Variants in LEF1 observed in about 807,000 individuals in gnomAD.
LEF1 encodes lymphoid enhancer binding factor 1, also known as lymphoid enhancer-binding factor 1.
LEF1 carries 14 observed loss-of-function variants against 51.2 expected under a neutral mutation model. The observed-to-expected ratio is 0.27, with a 90% CI of 0.18 to 0.43. The LOEUF (loss-of-function observed/expected upper bound fraction) is 0.43. Among genes scored for constraint, LEF1 ranks in the 20% least tolerant of loss-of-function variants. LEF1 has a pLI of 1.00. For synonymous variants in LEF1, 185 were observed against 183.2 expected (o/e 1.01, Z -0.08); for missense variants, 386 against 512.0 (o/e 0.75, Z 2.37).
At chr4:108,128,646 T>C (rs1036986274) in intron 3 of LEF1, among the ~76,000 whole-genome samples, 7 of 152,204 alleles carry the variant, frequency 4.6e-5, no homozygotes, top group Non-Finnish European at 8.8e-5. Flanking sequence ...TCATTTGAGC[T>C]AGCAAACAAA....
intron 3 of LEF1, among the ~76,000 whole-genome samples, chr4:108,150,672 C>G (rs184393913): frequency 6.6e-6 from 1 of 152,142 alleles, no homozygotes; most frequent in Non-Finnish European, 1.5e-5. Context: ...CTGAAAATAC[C>G]TGACTTTGAA....
At chr4:108,097,902 AAGTG>A (rs1274777703) in intron 3 of LEF1, among the ~76,000 whole-genome samples, 1 of 152,196 alleles carries the variant, frequency 6.6e-6, no homozygotes, top group African/African-American at 2.4e-5. Context: ...AAATCAATTA[AAGTG>A]AGTGAGAAGT....
chr4:108,167,173 G>T lies in LEF1; in HGVS notation c.213+382C>A, dbSNP rs992439395. On this transcript the variant is annotated intron_variant, in intron 1 of 11. Transcript: ENST00000265165. This position sits in a 1 kb window ranked among gnomAD's most constrained non-coding sequence, Gnocchi z 5.7. ...GCACTTTGTTTTCCGTCCCACGGAA[G>T]AATTTATCAGTAGCGTTATTCAGCC... is the stretch of plus-strand genomic sequence containing the variant. Among the ~76,000 whole-genome samples the T allele has an allele frequency of 6.6e-6, 1 of 152,182 alleles. No homozygotes were observed. Among genetic ancestry groups the T allele is most frequent in the Admixed American group, 6.5e-5 (1 of 15,286 alleles).
In LEF1 at chr4:108,166,307, G is replaced by A. The variant is rs189565163; in HGVS notation, c.214-1144C>T. On this transcript the variant is annotated intron_variant, in intron 1 of 11. Transcript: ENST00000265165. ...GGGATAGAGAAGGCAGATCTGAGGT[G>A]TTCTTAAACGCGCTGTTTAAAACCC... 332 of 1,534,614 alleles carry A rather than the reference G, an allele frequency of 2.2e-4. No individual in the cohort carries two copies. In the African/African-American group the frequency reaches 4.0e-3, roughly 18 times the overall value.
chr4:108,160,034 G>A (rs1744970467), intron 3 of LEF1, among the ~76,000 whole-genome samples: 1 of 152,130 alleles, frequency 6.6e-6, no homozygotes, highest in Non-Finnish European at 1.5e-5. Context: ...CCTGCACTGT[G>A]TTGCTTTTCC....
At position 108,099,568 on chromosome 4, in the gene LEF1, GTGTATATATATATATATATATA is replaced by G. The variant is rs1560789133; in HGVS notation, c.415-10333_415-10312del. On this transcript the variant is annotated intron_variant, in intron 3 of 11. Coordinates refer to ENST00000265165, the MANE Select transcript of LEF1 (RefSeq NM_016269.5). ...TGTGTGTGTGTGTATGTGTGTGTGTGTGTATATATATATATATATATATATATATATATATATATATATATAT... is the reference window on the plus strand; with the variant it reads ...TGTGTGTGTGTGTATGTGTGTGTGTGTATATATATATATATATATATATAT... Among the ~76,000 whole-genome samples, 3 of 48,176 alleles carry G rather than the reference GTGTATATATATATATATATATA, an allele frequency of 6.2e-5. 1 individual carries two copies. The highest frequency in any genetic ancestry group is 1.3e-4 in the Non-Finnish European group (3 of 22,782). 31.6% of individuals were successfully genotyped at this position (48,176 alleles called of 152,430 possible).
chr4:108,138,009 C>G (rs1206218253), intron 3 of LEF1, among the ~76,000 whole-genome samples: 1 of 152,068 alleles, frequency 6.6e-6, no homozygotes, highest in Admixed American at 6.5e-5. Flanking sequence ...AAGAGGTTAA[C>G]AAATTATTAA....
rs1436864000 is a variant in LEF1 at position 108,099,590 on chromosome 4, A to ATGTG, written c.415-10334_415-10333insCACA. ...TGTGTGTATATATATATATATATAT[A>ATGTG]TATATATATATATATATATATATAT... On this transcript the variant is annotated intron_variant, in intron 3 of 11. Transcript: ENST00000265165. Among the ~76,000 whole-genome samples, 147 of 108,438 alleles carry ATGTG rather than the reference A, an allele frequency of 1.4e-3. 3 individuals carry two copies. Among genetic ancestry groups the ATGTG allele is most frequent in the African/African-American group, 4.4e-3 (141 of 32,036 alleles). The allele number at this position is 108,438 out of a possible 152,430, so 71.1% of individuals were successfully genotyped here.
chr4:108,098,123 G>A (rs1271995170), intron 3 of LEF1, among the ~76,000 whole-genome samples: 1 of 152,098 alleles, frequency 6.6e-6, no homozygotes, highest in Non-Finnish European at 1.5e-5. Context: ...TGCTGGTCTG[G>A]GGACATGTTG....
At chr4:108,136,501 C>T (rs1345016826) in intron 3 of LEF1, among the ~76,000 whole-genome samples, 1 of 143,048 alleles carries the variant, frequency 7.0e-6, no homozygotes, top group Non-Finnish European at 1.5e-5. Context: ...GATGCTTATG[C>T]TGCATAGTAT....
At chr4:108,074,849 T>C (rs1188679629) in intron 8 of LEF1, among the ~76,000 whole-genome samples, 3 of 152,180 alleles carry the variant, frequency 2.0e-5, no homozygotes, top group African/African-American at 4.8e-5. Context: ...GCATTAAGAA[T>C]AGGAAGCATA....
At chr4:108,166,700 C>T in intron 1 of LEF1, 1 of 994,924 alleles carries the variant, frequency 1.0e-6, no homozygotes, top group Non-Finnish European at 1.2e-6. Context: ...CGATAAAGCG[C>T]CTTCCACCCT....
chr4:108,114,249 A>G (rs1044518891), intron 3 of LEF1, among the ~76,000 whole-genome samples: 1 of 152,152 alleles, frequency 6.6e-6, no homozygotes, highest in Non-Finnish European at 1.5e-5. Flanking sequence ...TGGTAAGCAA[A>G]CTAATTTAAA....
intron 11 of LEF1, among the ~76,000 whole-genome samples, chr4:108,062,754 T>A (rs969199998): frequency 1.3e-5 from 2 of 152,290 alleles, no homozygotes; most frequent in African/African-American, 4.8e-5. Flanking sequence ...ACTAGGGCTA[T>A]GGCAGTGGTA....
intron 3 of LEF1, among the ~76,000 whole-genome samples, chr4:108,105,203 T>G (rs191999105): frequency 1.1e-4 from 16 of 141,632 alleles, no homozygotes; most frequent in Admixed American, 3.0e-4. Context: ...TTTTTTGAGA[T>G]GGAGTCTTGC....
intron 3 of LEF1, among the ~76,000 whole-genome samples, chr4:108,092,079 C>T (rs1740061878): frequency 1.3e-5 from 2 of 152,226 alleles, no homozygotes; most frequent in Non-Finnish European, 2.9e-5. Context: ...CTGACCTATC[C>T]CTCCAGTCAT....
chr4:108,100,864 T>G (rs1444644570), intron 3 of LEF1, among the ~76,000 whole-genome samples: 1 of 152,180 alleles, frequency 6.6e-6, no homozygotes, highest in East Asian at 1.9e-4. Flanking sequence ...AAACTCTTAT[T>G]TATTTCTTTG....
At chr4:108,077,025 C>CAAAA (rs35942591) in intron 8 of LEF1, among the ~76,000 whole-genome samples, 2 of 97,462 alleles carry the variant, frequency 2.1e-5, no homozygotes, top group Non-Finnish European at 3.9e-5. Context: ...AGACTCATCT[C>CAAAA]AAAAAAAAAA....
chr4:108,115,420 G>A (rs1052607702), intron 3 of LEF1, among the ~76,000 whole-genome samples: 2 of 152,178 alleles, frequency 1.3e-5, no homozygotes, highest in African/African-American at 4.8e-5. Context: ...CTTTTTAAGT[G>A]TTAATTTTAA....
Sources: allele counts gnomAD v4.1 joint callset (sites outside exome capture counted in the v4.1 genomes callset), GRCh38; gene constraint gnomAD v4.1.1; non-coding constraint Gnocchi (gnomAD v3.1); transcripts MANE v1.5; gene names NCBI Gene and HGNC (gene_info 2026-07-23, HGNC 2026-07-21).